GMEB1: variants seen among roughly 807,000 people sequenced by gnomAD.
The protein encoded by GMEB1 is glucocorticoid modulatory element binding protein 1.
A neutral mutation model predicts 52.4 loss-of-function variants in GMEB1; 6 were observed. That is an observed-to-expected ratio of 0.11 (90% CI 0.06 to 0.23). GMEB1 has a LOEUF of 0.23. GMEB1 is among the 10% of genes least tolerant of loss of function. The pLI, the probability that GMEB1 is intolerant of heterozygous loss-of-function variation, is 1.00. For missense variants in GMEB1, 486 were observed against 685.6 expected, an observed-to-expected ratio of 0.71 and a Z score of 3.25; for synonymous variants, 255 against 244.9, an observed-to-expected ratio of 1.04 and a Z score of -0.38.
intron 4 of GMEB1, among the ~76,000 whole-genome samples, chr1:28,692,192 G>A (rs569935435): frequency 6.6e-6 from 1 of 151,080 alleles, no homozygotes; most frequent in Non-Finnish European, 1.5e-5. Flanking sequence ...TTGTAGAGAT[G>A]GGGGGTTTTG....
intron 1 of GMEB1, among the ~76,000 whole-genome samples, chr1:28,675,180 G>C (rs1408107771): frequency 6.6e-6 from 1 of 151,468 alleles, no homozygotes; most frequent in East Asian, 2.0e-4. Context: ...ACCACGCTGA[G>C]CTAATTTTTT....
Position 28,711,217 on chromosome 1 carries a change from C to T in GMEB1, c.991+575C>T, listed in dbSNP as rs996030872. On this transcript the variant is annotated intron_variant, in intron 9 of 9. Coordinates refer to ENST00000373816, the MANE Select transcript of GMEB1 (RefSeq NM_001319674.2). ...AGGAGAAGGGCGTGAACCCGGGAGG[C>T]GGAGGTTTCAGTGAACCAAAATAGT... Among the ~76,000 whole-genome samples, 4 of 150,196 alleles carry T rather than the reference C, an allele frequency of 2.7e-5. No homozygotes were observed. In the South Asian group the frequency reaches 8.4e-4, roughly 32 times the overall value.
chr1:28,679,182 C>T (rs1161141330), intron 1 of GMEB1, among the ~76,000 whole-genome samples: 1 of 150,198 alleles, frequency 6.7e-6, no homozygotes, highest in East Asian at 2.0e-4. Flanking sequence ...CCACACCTGA[C>T]CTTTTTTTTT....
At chr1:28,683,922 A>G (rs973878486) in intron 2 of GMEB1, among the ~76,000 whole-genome samples, 182 bp downstream of exon 2, 18 of 152,140 alleles carry the variant, frequency 1.2e-4, no homozygotes, top group African/African-American at 3.6e-4. Flanking sequence ...CTTATTACCA[A>G]CAGTTACTTG....
intron 2 of GMEB1, among the ~76,000 whole-genome samples, chr1:28,687,960 C>T (rs747382025): frequency 1.3e-5 from 2 of 152,026 alleles, no homozygotes; most frequent in African/African-American, 4.8e-5. Flanking sequence ...TTAGACATAA[C>T]GAATTCGACA....
At position 28,702,819 on chromosome 1, in the gene GMEB1, A is replaced by G. The variant is rs190958653; in HGVS notation, c.730+250A>G. Among the ~76,000 whole-genome samples, 504 of 152,236 alleles carry G rather than the reference A, an allele frequency of 3.3e-3. 3 individuals are homozygous for G. The highest frequency in any genetic ancestry group is 0.012 in the African/African-American group (487 of 41,548). On this transcript the variant is annotated intron_variant, in intron 7 of 9. Transcript: ENST00000373816. ...GTAATTCCAGCACTTTGGGAGGCCA[A>G]GGCAGGTGGATCACAAGGTCAGGAG...
chr1:28,674,724 T>C (rs1669065169), intron 1 of GMEB1, among the ~76,000 whole-genome samples: 1 of 131,874 alleles, frequency 7.6e-6, no homozygotes, highest in Admixed American at 7.7e-5. Context: ...TTTTTTTTTT[T>C]TTTTTTTTTT....
In GMEB1 at chr1:28,715,010, C is replaced by A; in HGVS notation, c.*237C>A. 1 of 473,890 alleles carries A rather than the reference C, an allele frequency of 2.1e-6. No individual in the cohort carries two copies. The highest frequency in any genetic ancestry group is 3.5e-5 in the East Asian group (1 of 28,508). 29.4% of individuals were successfully genotyped at this position (473,890 alleles called of 1,614,324 possible). The stretch of plus-strand genomic sequence containing the variant: ...CATTCAATGTCCTAATCATCTTACA[C>A]CAAGAAAGTAATTTCTTTTAGGGGA... On this transcript the variant is annotated 3_prime_UTR_variant, in exon 10 of 10. Transcript: ENST00000373816.
At chr1:28,674,437 T>C (rs1048687056) in intron 1 of GMEB1, among the ~76,000 whole-genome samples, 2 of 152,120 alleles carry the variant, frequency 1.3e-5, no homozygotes, top group African/African-American at 4.8e-5. Flanking sequence ...TCTCCCTCTG[T>C]TCCCCATGTA....
intron 5 of GMEB1, 28 bp downstream of exon 5, chr1:28,693,073 T>G (rs758318475): frequency 2.6e-6 from 3 of 1,167,644 alleles, no homozygotes; most frequent in African/African-American, 3.1e-5. Flanking sequence ...GCACATACCT[T>G]TCAACAAACT....
chr1:28,702,213 T>G (rs1670549803), intron 6 of GMEB1, among the ~76,000 whole-genome samples: 1 of 152,184 alleles, frequency 6.6e-6, no homozygotes, highest in African/African-American at 2.4e-5. Flanking sequence ...TTTCACTTTC[T>G]ATTCAAAGTA....
At chr1:28,674,040 G>A (rs1669021777) in intron 1 of GMEB1, among the ~76,000 whole-genome samples, 1 of 151,838 alleles carries the variant, frequency 6.6e-6, no homozygotes, top group Non-Finnish European at 1.5e-5. Flanking sequence ...CCAGCTACTC[G>A]GGAGGCTGAG....
At position 28,679,400 on chromosome 1, in the gene GMEB1, A is replaced by G. The variant is rs562734939; in HGVS notation, c.-30-4183A>G. Among the ~76,000 whole-genome samples, 22 of 151,870 alleles carry G rather than the reference A, an allele frequency of 1.4e-4. 2 individuals carry two copies. Among genetic ancestry groups the G allele is most frequent in the Admixed American group, 3.9e-4 (6 of 15,210 alleles). On this transcript the variant is annotated intron_variant, in intron 1 of 9. Coordinates refer to ENST00000373816, the MANE Select transcript of GMEB1 (RefSeq NM_001319674.2). Reference sequence around the variant, plus strand: ...ACCCTGCTGGCCAAGGTGGTCTCGAACTCCTGACCTCAAGTGATCCACCGG... The same window carrying G: ...ACCCTGCTGGCCAAGGTGGTCTCGAGCTCCTGACCTCAAGTGATCCACCGG...
intron 6 of GMEB1, among the ~76,000 whole-genome samples, chr1:28,699,942 G>A (rs1337191304): frequency 1.3e-5 from 2 of 151,374 alleles, no homozygotes; most frequent in African/African-American, 2.4e-5. Flanking sequence ...GAGCATGGCG[G>A]TGTGGGCCTG....
chr1:28,716,520 C>A lies in GMEB1; in HGVS notation c.*1747C>A, dbSNP rs1237673504. 1 of 152,144 alleles carries A rather than the reference C, an allele frequency of 6.6e-6. No homozygotes were observed. Among genetic ancestry groups the A allele is most frequent in the Non-Finnish European group, 1.5e-5 (1 of 68,044 alleles). The allele number at this position is 152,144 out of a possible 1,614,324, so 9.4% of individuals were successfully genotyped here. On this transcript the variant is annotated 3_prime_UTR_variant, in exon 10 of 10. Coordinates refer to ENST00000373816, the MANE Select transcript of GMEB1 (RefSeq NM_001319674.2). ...TTTGGAGAACAGTGACAGGTGCCTG[C>A]CTGCCTTCGTCCCCTTTTAGATTCA...
chr1:28,701,516 C>T (rs972441800), intron 6 of GMEB1, among the ~76,000 whole-genome samples: 2 of 152,116 alleles, frequency 1.3e-5, no homozygotes, highest in Non-Finnish European at 2.9e-5. Context: ...GATCCGCCCA[C>T]CTCGGCCTCC....
At chr1:28,696,537 TG>T (rs1268388172) in intron 5 of GMEB1, among the ~76,000 whole-genome samples, 1 of 152,144 alleles carries the variant, frequency 6.6e-6, no homozygotes. Flanking sequence ...AAATACCCCA[TG>T]GTTTTGCTCA....
At chr1:28,674,451 A>C (rs1308779229) in intron 1 of GMEB1, among the ~76,000 whole-genome samples, 1 of 151,914 alleles carries the variant, frequency 6.6e-6, no homozygotes, top group Non-Finnish European at 1.5e-5. Context: ...CCATGTACAA[A>C]GGCACAATCT....
At chr1:28,710,312 T>C (rs1015599806) in intron 8 of GMEB1, among the ~76,000 whole-genome samples, 3 of 152,210 alleles carry the variant, frequency 2.0e-5, no homozygotes, top group African/African-American at 7.2e-5. Flanking sequence ...GCCTGATCTT[T>C]GTATTTATTT....
Sources: gnomAD v4.1 joint callset for allele counts (sites outside exome capture counted in the v4.1 genomes callset) on GRCh38, gnomAD v4.1.1 for gene constraint, MANE v1.5 for transcripts, NCBI Gene and HGNC (gene_info 2026-07-23, HGNC 2026-07-21) for gene names.